The following ZFHX3 variants were observed in gnomAD, a reference collection of about 807,000 sequenced individuals.
ZFHX3 encodes zinc finger homeobox protein 3.
Under a neutral mutation model 279.1 loss-of-function variants are expected in ZFHX3, and 42 were observed. The observed-to-expected ratio is 0.15, with a 90% CI of 0.12 to 0.19. ZFHX3 has a LOEUF of 0.19. Among genes scored for constraint, ZFHX3 ranks in the 10% least tolerant of loss-of-function variants. The probability of loss-of-function intolerance (pLI) is 1.00; values close to 1 mark genes in which losing one functional copy is unlikely to be tolerated. For missense variants in ZFHX3, 4,981 were observed against 4,754.0 expected (o/e 1.05, Z -1.40); for synonymous variants, 2,293 against 1,957.8 (o/e 1.17, Z -4.52).
intron 3 of ZFHX3, among the ~76,000 whole-genome samples, chr16:73,363,326 C>A (rs1219451140): frequency 6.6e-6 from 1 of 152,180 alleles, no homozygotes; most frequent in Non-Finnish European, 1.5e-5. Context: ...TTGTTATGCA[C>A]CAAAAGCTAA....
chr16:73,576,254 A>G (rs914613819), intron 2 of ZFHX3, among the ~76,000 whole-genome samples: 2 of 152,148 alleles, frequency 1.3e-5, no homozygotes, highest in Non-Finnish European at 2.9e-5. Context: ...GGCCCACATC[A>G]ATCAAGAGCC....
intron 1 of ZFHX3, among the ~76,000 whole-genome samples, chr16:73,886,988 G>C (rs542762780): frequency 6.6e-6 from 1 of 152,164 alleles, no homozygotes; most frequent in South Asian, 2.1e-4. Flanking sequence ...AAGGGTTTCC[G>C]CTGCTCTCTG....
At position 72,786,652 on chromosome 16, in the gene ZFHX3, C is replaced by T. The variant is rs950248396; in HGVS notation, c.*512G>A. On this transcript the variant is annotated 3_prime_UTR_variant, in exon 10 of 10. Transcript: ENST00000268489. ...AATGATTCTGAAAACAAAGTGTGAGCGATTGACCTGAGAATAAAAAGACAT... is the reference window on the plus strand; with the variant it reads ...AATGATTCTGAAAACAAAGTGTGAGTGATTGACCTGAGAATAAAAAGACAT... The T allele has an allele frequency of 1.3e-5, 2 of 150,438 alleles. No individual in the cohort carries two copies. The highest frequency in any genetic ancestry group is 4.9e-5 in the African/African-American group (2 of 40,884). The allele number at this position is 150,438 out of a possible 1,614,324, so 9.3% of individuals were successfully genotyped here.
intron 2 of ZFHX3, among the ~76,000 whole-genome samples, chr16:73,507,000 G>A (rs1474577538): frequency 6.6e-6 from 1 of 152,118 alleles, no homozygotes. Context: ...CTCTTCCACC[G>A]ACGCATAAGT....
chr16:73,522,589 A>G (rs974673545), intron 2 of ZFHX3, among the ~76,000 whole-genome samples: 3 of 152,132 alleles, frequency 2.0e-5, no homozygotes, highest in African/African-American at 7.2e-5. Flanking sequence ...ACCATGTCCA[A>G]TCCCAGAGCA....
chr16:73,882,992 T>C (rs1385505657), intron 1 of ZFHX3, among the ~76,000 whole-genome samples: 3 of 151,860 alleles, frequency 2.0e-5, no homozygotes, highest in Non-Finnish European at 4.4e-5. Flanking sequence ...TTGGGTTTTT[T>C]TGAAATGCCT....
intron 1 of ZFHX3, among the ~76,000 whole-genome samples, chr16:73,803,670 G>T (rs1322350188): frequency 6.6e-6 from 1 of 152,148 alleles, no homozygotes; most frequent in Non-Finnish European, 1.5e-5. Flanking sequence ...TCTATATTTT[G>T]TTAGACTTAT....
chr16:73,056,388 A>C (rs1278379441), intron 1 of ZFHX3, among the ~76,000 whole-genome samples: 1 of 151,982 alleles, frequency 6.6e-6, no homozygotes, highest in African/African-American at 2.4e-5. Context: ...TAAAAAAAAA[A>C]CAACAAACCT....
intron 5 of ZFHX3, among the ~76,000 whole-genome samples, chr16:73,152,709 A>G (rs929326105): frequency 2.8e-5 from 4 of 145,034 alleles, no homozygotes; most frequent in African/African-American, 1.0e-4. Flanking sequence ...CTTGAGGTTT[A>G]GGATGCTATA....
intron 7 of ZFHX3, among the ~76,000 whole-genome samples, chr16:73,098,380 G>A (rs1425722062): frequency 6.6e-6 from 1 of 151,468 alleles, no homozygotes; most frequent in African/African-American, 2.4e-5. Context: ...TTTTGTCTTT[G>A]AGATGGAGTT....
chr16:73,154,641 A>G (rs550444256), intron 5 of ZFHX3, among the ~76,000 whole-genome samples: 3 of 152,294 alleles, frequency 2.0e-5, no homozygotes, highest in East Asian at 1.9e-4. Flanking sequence ...TGCAACATAC[A>G]TTTTAGGGAC....
At chr16:73,582,578 G>A (rs978330934) in intron 2 of ZFHX3, among the ~76,000 whole-genome samples, 4 of 151,838 alleles carry the variant, frequency 2.6e-5, no homozygotes, top group Admixed American at 6.5e-5. Flanking sequence ...GGGTTCAAGC[G>A]ATTCTTCTGC....
intron 1 of ZFHX3, among the ~76,000 whole-genome samples, chr16:73,880,996 G>T (rs1424325467): frequency 6.6e-6 from 1 of 152,108 alleles, no homozygotes; most frequent in Non-Finnish European, 1.5e-5. Context: ...CACAGGCAAA[G>T]GGTATGTGGC....
chr16:73,216,145 T>C (rs550451224), intron 5 of ZFHX3, among the ~76,000 whole-genome samples: 6 of 152,252 alleles, frequency 3.9e-5, no homozygotes, highest in African/African-American at 1.4e-4. Flanking sequence ...TGCTTACTGT[T>C]TTAAGATGCT....
At chr16:73,787,841 G>A (rs1959695510) in intron 1 of ZFHX3, among the ~76,000 whole-genome samples, 1 of 150,676 alleles carries the variant, frequency 6.6e-6, no homozygotes, top group Non-Finnish European at 1.5e-5. Context: ...GTGTGTGTGT[G>A]TGTGTGTGTG....
Position 73,069,833 on chromosome 16 carries a change from C to G in ZFHX3, c.-532-10821G>C, listed in dbSNP as rs559338489. On this transcript the variant is annotated intron_variant, in intron 8 of 17. Coordinates refer to the ZFHX3 transcript ENST00000641206. ...AAAATAACTGGTCATAATGGTATAT[C>G]CTGTCAATCCAAAATTGTTCGAAGA... Among the ~76,000 whole-genome samples the G allele has an allele frequency of 1.1e-4, 17 of 152,292 alleles. 1 individual carries two copies. Among genetic ancestry groups the G allele is most frequent in the African/African-American group, 2.2e-4 (9 of 41,560 alleles).
intron 5 of ZFHX3, among the ~76,000 whole-genome samples, chr16:73,199,382 A>G (rs1036511042): frequency 3.3e-5 from 5 of 152,226 alleles, no homozygotes; most frequent in Admixed American, 2.6e-4. Flanking sequence ...CACCAAGTCC[A>G]TGGCCCATGA....
At chr16:73,345,789 C>T (rs1567456483) in intron 3 of ZFHX3, among the ~76,000 whole-genome samples, 1 of 152,074 alleles carries the variant, frequency 6.6e-6, no homozygotes, top group Non-Finnish European at 1.5e-5. Context: ...CAGCTATTTT[C>T]AATATGACGT....
intron 1 of ZFHX3, among the ~76,000 whole-genome samples, chr16:73,764,093 T>C (rs1166057575): frequency 1.3e-5 from 2 of 152,168 alleles, no homozygotes; most frequent in Non-Finnish European, 2.9e-5. Context: ...AAATGGGTAT[T>C]GTTTTAAGTC....
Sources: allele counts gnomAD v4.1 joint callset (sites outside exome capture counted in the v4.1 genomes callset), GRCh38; gene constraint gnomAD v4.1.1; transcripts MANE v1.5; gene names NCBI Gene and HGNC (gene_info 2026-07-23, HGNC 2026-07-21).